The following PDK1 variants were observed in gnomAD, a reference collection of about 807,000 sequenced individuals.
PDK1 encodes the protein [Pyruvate dehydrogenase (acetyl-transferring)] kinase isozyme 1, mitochondrial.
Under a neutral mutation model 54.2 loss-of-function variants are expected in PDK1, and 39 were observed. The observed-to-expected ratio is 0.72, with a 90% CI of 0.56 to 0.94. The LOEUF is 0.94. Ranked by LOEUF, PDK1 falls within the 40% of genes least tolerant of loss-of-function variation. The pLI is 0.00. For synonymous variants in PDK1, 221 were observed against 207.1 expected (o/e 1.07, Z -0.58); for missense variants, 552 against 566.0 (o/e 0.98, Z 0.25).
At chr2:172,688,546 C>T in the PDK1 span, among the ~76,000 whole-genome samples, 1 of 152,236 alleles carries the variant, frequency 6.6e-6, no homozygotes, top group African/African-American at 2.4e-5. Context: ...TAGTTTGCAT[C>T]CTCTAAGGAG....
At chr2:172,557,646 T>TGTGTGTGTGTGTGTG (rs1558921740) in intron 1 of PDK1, among the ~76,000 whole-genome samples, 2 of 142,206 alleles carry the variant, frequency 1.4e-5, no homozygotes, top group African/African-American at 5.2e-5. Flanking sequence ...TGTGTGTGTG[T>TGTGTGTGTGTGTGTG]ATTTTTTTTT....
chr2:172,582,887 C>A (rs1034936957), intron 8 of PDK1, among the ~76,000 whole-genome samples: 1 of 152,222 alleles, frequency 6.6e-6, no homozygotes, highest in South Asian at 2.1e-4. Flanking sequence ...TGATGCTTCT[C>A]ACATCCTCTC....
the PDK1 span, among the ~76,000 whole-genome samples, chr2:172,672,153 A>G: frequency 6.6e-6 from 1 of 152,160 alleles, no homozygotes; most frequent in East Asian, 1.9e-4. Flanking sequence ...GATCCTTCCC[A>G]GAACTATTGA....
At position 172,586,805 on chromosome 2, in the gene PDK1, A is replaced by G. The variant is rs1407034277; in HGVS notation, c.1056+417A>G. 2.6e-5 allele frequency among the ~76,000 whole-genome samples: 4 copies of G among 152,334 alleles called. No homozygotes were observed. In the East Asian group the frequency reaches 7.7e-4, roughly 29 times the overall value. ...ATCTCATATCCTAGACTGAAAAATA[A>G]GACTAAAATTCTAATCTGTTCAATC... On this transcript the variant is annotated intron_variant, in intron 9 of 10. Transcript: ENST00000282077.
the PDK1 span, among the ~76,000 whole-genome samples, chr2:172,706,199 T>G: frequency 6.6e-6 from 1 of 152,208 alleles, no homozygotes; most frequent in Non-Finnish European, 1.5e-5. Context: ...TTCTACAATT[T>G]TGTTATTTCA....
At chr2:172,621,676 TTATGTTTATATATCATATA>T in the PDK1 span, among the ~76,000 whole-genome samples, 2 of 148,040 alleles carry the variant, frequency 1.4e-5, no homozygotes, top group African/African-American at 4.9e-5. Context: ...TGATATATGT[TTATGTTTATATATCATATA>T]TATGTTTATA....
rs754006788 is a variant in PDK1, at chr2:172,592,965, C to T, written c.1087C>T (p.Arg363Cys). 6.8e-6 allele frequency: 11 copies of T among 1,611,772 alleles called. No homozygotes were observed. The highest frequency in any genetic ancestry group is 3.3e-5 in the Admixed American group (2 of 59,966). Reference sequence around the variant, plus strand: ...TTTTGGTTATGGATTGCCCATATCACGTCTTTACGCACAATACTTCCAAGG... The same window carrying T: ...TTTTGGTTATGGATTGCCCATATCATGTCTTTACGCACAATACTTCCAAGG... Reference protein sequence around the residue: ...AGFGYGLPISRLYAQYFQGDL... With the variant: ...AGFGYGLPISCLYAQYFQGDL... Residue 363 changes from arginine to cysteine, a missense_variant, in exon 10 of 11, where the codon CGT becomes TGT. Transcript: ENST00000282077.
At chr2:172,642,571 A>G in the PDK1 span, among the ~76,000 whole-genome samples, 1 of 152,188 alleles carries the variant, frequency 6.6e-6, no homozygotes, top group Admixed American at 6.5e-5. Flanking sequence ...TTGCCTTTTA[A>G]CAAGCCCTCC....
the PDK1 span, among the ~76,000 whole-genome samples, chr2:172,631,750 C>G: frequency 1.3e-5 from 2 of 152,162 alleles, no homozygotes; most frequent in African/African-American, 4.8e-5. Context: ...CAAAGAACCT[C>G]TATGACTGGT....
chr2:172,564,431 G>A, intron 3 of PDK1, 72 bp from the exon 4 acceptor site: 1 of 1,265,282 alleles, frequency 7.9e-7, no homozygotes, highest in Non-Finnish European at 1.1e-6. Context: ...AGCATAGTTG[G>A]TTAAGCTTAT....
chr2:172,672,484 C>T, the PDK1 span, among the ~76,000 whole-genome samples: 1 of 152,176 alleles, frequency 6.6e-6, no homozygotes, highest in African/African-American at 2.4e-5. Flanking sequence ...CAAAAGGCTG[C>T]TGAGACCTCC....
At chr2:172,570,573 A>T in intron 7 of PDK1, 153 bp from the exon 8 acceptor site, 1 of 412,876 alleles carries the variant, frequency 2.4e-6, no homozygotes, top group African/African-American at 2.1e-5. Context: ...TGACTCCATT[A>T]AAAAAAAAAC....
chr2:172,624,045 C>T, the PDK1 span, among the ~76,000 whole-genome samples: 1 of 152,194 alleles, frequency 6.6e-6, no homozygotes, highest in East Asian at 1.9e-4. Flanking sequence ...GGAACTCCTC[C>T]TCCCACATCT....
the PDK1 span, among the ~76,000 whole-genome samples, chr2:172,684,073 T>G: frequency 2.6e-5 from 4 of 152,190 alleles, no homozygotes; most frequent in Non-Finnish European, 4.4e-5. Flanking sequence ...TATTTTTTGA[T>G]AGGGAGGAGA....
chr2:172,699,588 G>A, the PDK1 span, among the ~76,000 whole-genome samples: 1 of 151,116 alleles, frequency 6.6e-6, no homozygotes, highest in African/African-American at 2.4e-5. Context: ...AATTGCGACC[G>A]ATTTTCAGAC....
chr2:172,559,970 C>G (rs543362615), intron 2 of PDK1, among the ~76,000 whole-genome samples: 1 of 152,298 alleles, frequency 6.6e-6, no homozygotes, highest in South Asian at 2.1e-4. Flanking sequence ...CCTCGGCCTC[C>G]TGAGTAGCTG....
the PDK1 span, among the ~76,000 whole-genome samples, chr2:172,645,149 G>A: frequency 6.8e-6 from 1 of 147,348 alleles, no homozygotes; most frequent in Non-Finnish European, 1.5e-5. Context: ...ACAGAAATCA[G>A]CAAAAAGTAC....
chr2:172,694,422 G>C, the PDK1 span, among the ~76,000 whole-genome samples: 2,346 of 152,268 alleles, frequency 0.015, 21 homozygotes, highest in Non-Finnish European at 0.026. Flanking sequence ...ATTCAACATC[G>C]TTTCATTATA....
At chr2:172,668,288 T>G in the PDK1 span, among the ~76,000 whole-genome samples, 2 of 151,680 alleles carry the variant, frequency 1.3e-5, no homozygotes, top group African/African-American at 2.4e-5. Context: ...ATTTTTTTTT[T>G]TTTTTGGCAA....
Sources: gnomAD v4.1 joint callset for allele counts (sites outside exome capture counted in the v4.1 genomes callset) on GRCh38, gnomAD v4.1.1 for gene constraint, MANE v1.5 for transcripts, NCBI Gene and HGNC (gene_info 2026-07-23, HGNC 2026-07-21) for gene names.